SDK1: variants seen among roughly 807,000 people sequenced by gnomAD.
SDK1 encodes protein sidekick-1.
Under a neutral mutation model 245.5 loss-of-function variants are expected in SDK1, and 157 were observed. The observed-to-expected ratio is 0.64, with a 90% CI of 0.56 to 0.73. The LOEUF is 0.73. SDK1 is among the 30% of genes least tolerant of loss of function. The pLI is 0.00. For synonymous variants in SDK1, 1,647 were observed against 1,278.5 expected, an observed-to-expected ratio of 1.29 and a Z score of -6.15; for missense variants, 3,583 against 3,002.3, an observed-to-expected ratio of 1.19 and a Z score of -4.52.
Position 3,993,909 on chromosome 7 carries a change from C to T in SDK1, c.2131+6587C>T, listed in dbSNP as rs538681581. Among the ~76,000 whole-genome samples the T allele has an allele frequency of 1.2e-4, 19 of 152,320 alleles. No homozygotes were observed. In the South Asian group the frequency reaches 3.7e-3, roughly 30 times the overall value. On this transcript the variant is annotated intron_variant, in intron 14 of 44. Transcript: ENST00000404826. Reference sequence around the variant, plus strand: ...AGTGAGCTCCACTGAGTCCACATCCCCTCAGCTTCTCTGCAAGCAATGCTC... The same window carrying T: ...AGTGAGCTCCACTGAGTCCACATCCTCTCAGCTTCTCTGCAAGCAATGCTC...
chr7:3,857,860 G>A (rs1461757469), intron 5 of SDK1, among the ~76,000 whole-genome samples: 1 of 152,116 alleles, frequency 6.6e-6, no homozygotes, highest in African/African-American at 2.4e-5. Flanking sequence ...ATTCACTGTA[G>A]CAAGCAAAGC....
chr7:3,759,521 C>T (rs1780032069), intron 4 of SDK1, among the ~76,000 whole-genome samples: 1 of 151,808 alleles, frequency 6.6e-6, no homozygotes, highest in South Asian at 2.1e-4. Context: ...CCTTGAAATA[C>T]GCTTTTATCA....
Position 3,306,662 on chromosome 7 carries a change from A to AT in SDK1, c.298+4780dup, listed in dbSNP as rs555819460. 1.4e-4 allele frequency among the ~76,000 whole-genome samples: 22 copies of AT among 152,312 alleles called. No individual in the cohort carries two copies. In the South Asian group the frequency reaches 2.1e-3, roughly 14 times the overall value. On this transcript the variant is annotated intron_variant, in intron 1 of 44. Transcript: ENST00000404826. ...TGGAAGGCTGCAAGTTAAGTGGGTA[A>AT]TTAAGTGATATCAGGTAAGACTGTG...
At chr7:3,834,507 C>A (rs1779986941) in intron 5 of SDK1, among the ~76,000 whole-genome samples, 1 of 152,204 alleles carries the variant, frequency 6.6e-6, no homozygotes, top group African/African-American at 2.4e-5. Context: ...AAAATCTTTT[C>A]TTTCACGTAT....
At position 3,951,747 on chromosome 7, in the gene SDK1, G is replaced by T; in HGVS notation, c.977G>T (p.Ser326Ile). 1 of 1,613,572 alleles carries T rather than the reference G, an allele frequency of 6.2e-7. No individual in the cohort carries two copies. The highest frequency in any genetic ancestry group is 1.1e-5 in the South Asian group (1 of 91,084). The change falls in exon 7 of 45, where the codon AGT becomes ATT. Residue 326 changes from serine (S) to isoleucine (I), a missense_variant. Physicochemically the swap from Ser to Ile is moderately radical, Grantham distance 142 (BLOSUM62 -2). Transcript: ENST00000404826. The stretch of plus-strand genomic sequence containing the variant: ...TCCCACAGGCCTGTGGAGGACCTGA[G>T]TGTGACCTGGAAGAGGAATGGAGTG... ...IASARPVEDL[S>I]VTWKRNGVRI...
intron 1 of SDK1, among the ~76,000 whole-genome samples, chr7:3,472,871 C>G (rs1193387143): frequency 1.3e-5 from 2 of 152,140 alleles, no homozygotes; most frequent in African/African-American, 2.4e-5. Flanking sequence ...CATGGGGTAA[C>G]AGTCAGGGGC....
intron 9 of SDK1, among the ~76,000 whole-genome samples, chr7:3,965,019 G>A (rs376476372): frequency 2.6e-5 from 4 of 152,284 alleles, no homozygotes; most frequent in East Asian, 3.9e-4. Flanking sequence ...TCTTGCAATC[G>A]TGAGCTGGGA....
chr7:3,962,430 G>A (rs577149260), intron 8 of SDK1, among the ~76,000 whole-genome samples: 2 of 152,302 alleles, frequency 1.3e-5, no homozygotes, highest in South Asian at 4.1e-4. Context: ...GGAAGGCACC[G>A]CAGCCAGGGC....
At chr7:3,431,562 G>C (rs1323138810) in intron 1 of SDK1, among the ~76,000 whole-genome samples, 1 of 151,976 alleles carries the variant, frequency 6.6e-6, no homozygotes, top group East Asian at 1.9e-4. Context: ...ATTTTTTTTA[G>C]TATTGTACTT....
chr7:3,606,683 AC>A (rs1057122189), intron 1 of SDK1, among the ~76,000 whole-genome samples: 1 of 151,984 alleles, frequency 6.6e-6, no homozygotes, highest in African/African-American at 2.4e-5. Flanking sequence ...TTACTCAGAT[AC>A]CCCGTTCTCA....
rs77605305 is a variant in SDK1, at chr7:3,332,065, T to C, written c.298+30181T>C. ...TGCTTAGAAGATGGTGTTGAATCTG[T>C]TTCAGGTTAAAAAATACTTTATTCA... On this transcript the variant is annotated intron_variant, in intron 1 of 44. Coordinates refer to ENST00000404826, the MANE Select transcript of SDK1 (RefSeq NM_152744.4). Among the ~76,000 whole-genome samples, 894 of 152,310 alleles carry C rather than the reference T, an allele frequency of 5.9e-3. 9 individuals carry two copies. The highest frequency in any genetic ancestry group is 0.02 in the African/African-American group (846 of 41,566).
At chr7:3,712,356 T>C (rs977266647) in intron 4 of SDK1, among the ~76,000 whole-genome samples, 23 of 152,144 alleles carry the variant, frequency 1.5e-4, no homozygotes, top group Non-Finnish European at 1.9e-4. Context: ...CTGTCTCCCA[T>C]CACCCCCAGA....
chr7:3,989,107 C>G (rs1784095126), intron 14 of SDK1, among the ~76,000 whole-genome samples: 1 of 152,166 alleles, frequency 6.6e-6, no homozygotes, highest in South Asian at 2.1e-4. Context: ...GTTATCCTAT[C>G]TGTATTAGTC....
At chr7:4,176,597 C>T (rs1782228227) in intron 34 of SDK1, among the ~76,000 whole-genome samples, 1 of 152,216 alleles carries the variant, frequency 6.6e-6, no homozygotes, top group African/African-American at 2.4e-5. Flanking sequence ...TTCTCCAGAA[C>T]TTTCTCATCT....
intron 1 of SDK1, among the ~76,000 whole-genome samples, chr7:3,372,426 T>C (rs1040931332): frequency 6.6e-6 from 1 of 152,092 alleles, no homozygotes; most frequent in African/African-American, 2.4e-5. Context: ...GCACAAGCAA[T>C]AAAAGGAAAA....
intron 5 of SDK1, among the ~76,000 whole-genome samples, chr7:3,855,162 C>T (rs1780514197): frequency 6.6e-6 from 1 of 152,042 alleles, no homozygotes; most frequent in South Asian, 2.1e-4. Context: ...AGATAAGATC[C>T]TCAAGAGCAC....
At chr7:4,068,371 A>C (rs1479199853) in intron 20 of SDK1, among the ~76,000 whole-genome samples, 2 of 152,170 alleles carry the variant, frequency 1.3e-5, no homozygotes, top group Non-Finnish European at 2.9e-5. Flanking sequence ...TTCATTCAGC[A>C]GATGGCACTG....
chr7:3,578,807 T>C (rs1378902433), intron 1 of SDK1, among the ~76,000 whole-genome samples: 1 of 151,918 alleles, frequency 6.6e-6, no homozygotes, highest in African/African-American at 2.4e-5. Context: ...CTAAAATCGC[T>C]GTTATTCTGT....
intron 14 of SDK1, among the ~76,000 whole-genome samples, chr7:3,997,687 G>T (rs1287784454): frequency 6.6e-6 from 1 of 152,108 alleles, no homozygotes; most frequent in Non-Finnish European, 1.5e-5. Context: ...CATGCGGATT[G>T]GTCAATGGGT....
Sources: allele counts gnomAD v4.1 joint callset (sites outside exome capture counted in the v4.1 genomes callset), GRCh38; gene constraint gnomAD v4.1.1; transcripts MANE v1.5; gene names NCBI Gene and HGNC (gene_info 2026-07-23, HGNC 2026-07-21).